Variants in GPHN observed in about 807,000 individuals in gnomAD.
GPHN encodes gephyrin.
A neutral mutation model predicts 95.5 loss-of-function variants in GPHN; 17 were observed. The ratio of observed to expected loss-of-function variants is 0.18; its 90% confidence interval spans 0.12 to 0.27. The LOEUF (loss-of-function observed/expected upper bound fraction) is 0.27, where lower values mean the gene tolerates loss of function less well. GPHN is among the 10% of genes least tolerant of loss of function. The pLI is 1.00. For missense variants in GPHN, 660 were observed against 978.1 expected (o/e 0.67, Z 4.34); for synonymous variants, 320 against 322.5 (o/e 0.99, Z 0.08).
In GPHN at chr14:66,685,340, C is replaced by T. The variant is rs571540070; in HGVS notation, c.143+4155C>T. 2.6e-5 allele frequency among the ~76,000 whole-genome samples: 4 copies of T among 152,292 alleles called. No individual in the cohort carries two copies. In the East Asian group the frequency reaches 7.7e-4, roughly 29 times the overall value. On this transcript the variant is annotated intron_variant, in intron 2 of 22. Transcript: ENST00000478722. ...GGAATCGCCACACTGTCTTCCACAA[C>T]AGTTGAACTAGTTTACAGTCCCACC... is the stretch of plus-strand genomic sequence containing the variant.
the GPHN span, chr14:67,648,014 T>G: frequency 6.4e-7 from 1 of 1,554,766 alleles, no homozygotes; most frequent in Non-Finnish European, 8.7e-7. Flanking sequence ...TTAAGTATTA[T>G]TTTAAGTATT....
chr14:66,741,798 G>A (rs886179685), intron 2 of GPHN, among the ~76,000 whole-genome samples: 15 of 152,176 alleles, frequency 9.9e-5, no homozygotes, highest in African/African-American at 3.4e-4. Context: ...CACCCTGGCA[G>A]CCTCTGATAC....
chr14:66,967,713 T>C (rs1043218240), intron 9 of GPHN, among the ~76,000 whole-genome samples: 1 of 151,772 alleles, frequency 6.6e-6, no homozygotes, highest in Non-Finnish European at 1.5e-5. Context: ...TTAATAATTA[T>C]AATTTCATAT....
the GPHN span, among the ~76,000 whole-genome samples, chr14:67,583,340 C>T: frequency 5.9e-5 from 9 of 152,072 alleles, no homozygotes; most frequent in Non-Finnish European, 8.8e-5. Flanking sequence ...CTGGGATTTG[C>T]GCCAGGTGTC....
intron 11 of GPHN, among the ~76,000 whole-genome samples, chr14:67,068,561 A>G (rs758897965): frequency 1.2e-4 from 18 of 152,342 alleles, no homozygotes; most frequent in Admixed American, 3.3e-4. Context: ...GAAATTCCCA[A>G]TCTTTTTCTA....
At chr14:67,693,181 CAG>C in the GPHN span, 2 of 574,574 alleles carry the variant, frequency 3.5e-6, no homozygotes, top group South Asian at 2.8e-5. Context: ...TTTAAGGAAA[CAG>C]TGTCCATTTA....
chr14:66,518,211 A>C (rs1199481039), intron 1 of GPHN, among the ~76,000 whole-genome samples: 1 of 152,146 alleles, frequency 6.6e-6, no homozygotes, highest in Non-Finnish European at 1.5e-5. Flanking sequence ...GAAGACATAC[A>C]AATGGCCAAA....
At chr14:67,193,246 C>A in the GPHN span, among the ~76,000 whole-genome samples, 1,187 of 136,352 alleles carry the variant, frequency 8.7e-3, 25 homozygotes, top group African/African-American at 0.03. Context: ...AGACATCTAT[C>A]TATATATCTC....
At chr14:66,861,190 A>G (rs2153521300) in intron 4 of GPHN, among the ~76,000 whole-genome samples, 1 of 152,222 alleles carries the variant, frequency 6.6e-6, no homozygotes, top group Non-Finnish European at 1.5e-5. Context: ...AAGATGGAAA[A>G]AGATATTCCA....
intron 1 of GPHN, among the ~76,000 whole-genome samples, chr14:66,629,241 AAAACACACGTGTG>A (rs2063688718): frequency 6.8e-6 from 1 of 146,544 alleles, no homozygotes; most frequent in African/African-American, 2.5e-5. Flanking sequence ...ATATAAATAT[AAAACACACGTGTG>A]TGTTTCTTAT....
At chr14:66,518,327 A>G (rs2058336605) in intron 1 of GPHN, among the ~76,000 whole-genome samples, 1 of 152,070 alleles carries the variant, frequency 6.6e-6, no homozygotes, top group African/African-American at 2.4e-5. Flanking sequence ...TATCAAAAAG[A>G]CAAAGAATGA....
chr14:67,168,604 G>A (rs916083878), intron 20 of GPHN, among the ~76,000 whole-genome samples: 4 of 151,948 alleles, frequency 2.6e-5, no homozygotes, highest in Admixed American at 6.6e-5. Context: ...ACTTGTAAAC[G>A]GCTTTAAAAC....
At chr14:67,329,983 G>A in the GPHN span, among the ~76,000 whole-genome samples, 1 of 151,240 alleles carries the variant, frequency 6.6e-6, no homozygotes, top group Admixed American at 6.6e-5. Context: ...TATTGTGAAA[G>A]AATGGTATTG....
the GPHN span, among the ~76,000 whole-genome samples, chr14:67,600,818 A>G: frequency 2.0e-5 from 3 of 152,084 alleles, no homozygotes; most frequent in African/African-American, 7.2e-5. Flanking sequence ...ACCTCAGGTG[A>G]TTCGCCCGCC....
chr14:67,399,802 T>C, the GPHN span, among the ~76,000 whole-genome samples: 1 of 152,214 alleles, frequency 6.6e-6, no homozygotes, highest in Non-Finnish European at 1.5e-5. Context: ...ATGGGCAGAA[T>C]AGTCAGGTGA....
chr14:66,749,370 T>C (rs1358823845), intron 2 of GPHN, among the ~76,000 whole-genome samples: 1 of 151,948 alleles, frequency 6.6e-6, no homozygotes, highest in Non-Finnish European at 1.5e-5. Flanking sequence ...TGGATTATGA[T>C]TGCTGCATCA....
chr14:67,387,563 T>G, the GPHN span: 10 of 1,129,146 alleles, frequency 8.9e-6, no homozygotes, highest in Non-Finnish European at 1.0e-5. Context: ...CATACAATGA[T>G]GTATTTATTA....
At chr14:67,058,200 T>A (rs1427559863) in intron 10 of GPHN, among the ~76,000 whole-genome samples, 1 of 152,238 alleles carries the variant, frequency 6.6e-6, no homozygotes, top group Non-Finnish European at 1.5e-5. Flanking sequence ...AATCCTTTTT[T>A]AAGTGTTCAC....
chr14:67,429,773 T>A, the GPHN span, among the ~76,000 whole-genome samples: 1 of 152,028 alleles, frequency 6.6e-6, no homozygotes, highest in African/African-American at 2.4e-5. Context: ...ACAAAAATGA[T>A]GAAAACTAAC....
Sources: gnomAD v4.1 joint callset for allele counts (sites outside exome capture counted in the v4.1 genomes callset) on GRCh38, gnomAD v4.1.1 for gene constraint, MANE v1.5 for transcripts, NCBI Gene and HGNC (gene_info 2026-07-23, HGNC 2026-07-21) for gene names.